The following MROH9 variants were observed in gnomAD, a reference collection of about 807,000 sequenced individuals.
The protein encoded by MROH9 is maestro heat like repeat family member 9.
A neutral mutation model predicts 98.2 loss-of-function variants in MROH9; 92 were observed. The ratio of observed to expected loss-of-function variants is 0.94; its 90% CI spans 0.79 to 1.11. The LOEUF is 1.11. Ranked by LOEUF, MROH9 falls within the 50% of genes most tolerant of loss-of-function variation. MROH9 has a pLI of 0.00. For synonymous variants in MROH9, 397 were observed against 368.9 expected (o/e 1.08, Z -0.87); for missense variants, 1,057 against 1,014.8 (o/e 1.04, Z -0.57).
chr1:171,041,406 C>CAA (rs1553222175), intron 20 of MROH9, among the ~76,000 whole-genome samples: 1 of 54,734 alleles, frequency 1.8e-5, no homozygotes, highest in Non-Finnish European at 3.6e-5. Flanking sequence ...GGTCAAGATA[C>CAA]ATACACACAC....
Position 171,024,418 on chromosome 1 carries a change from G to A in MROH9, c.1932G>A (p.Met644Ile). 1 of 1,551,148 alleles carries A rather than the reference G, an allele frequency of 6.4e-7. No individual in the cohort carries two copies. The highest frequency in any genetic ancestry group is 8.7e-7 in the Non-Finnish European group (1 of 1,146,828). The change falls in exon 18 of 22, where the codon ATG (methionine) becomes ATA (isoleucine). Residue 644 changes from methionine (M) to isoleucine (I), a missense_variant. Transcript: ENST00000367759. ...MDHINGGIRSMAIRHFGQLVR... is the reference protein window; with the variant it reads ...MDHINGGIRSIAIRHFGQLVR... ...AGATTAATGGAGGCATTCGAAGTATGGCAATTCGACACTTTGGTCAATTAG... is the reference window on the plus strand; with the variant it reads ...AGATTAATGGAGGCATTCGAAGTATAGCAATTCGACACTTTGGTCAATTAG...
chr1:171,034,627 ATC>A (rs1163161952), intron 20 of MROH9, among the ~76,000 whole-genome samples: 1 of 152,214 alleles, frequency 6.6e-6, no homozygotes, highest in Non-Finnish European at 1.5e-5. Flanking sequence ...CTTACTGAGC[ATC>A]TGTTTAAAAA....
intron 1 of MROH9, among the ~76,000 whole-genome samples, chr1:170,944,713 A>G (rs1008368856): frequency 1.3e-5 from 2 of 152,064 alleles, no homozygotes; most frequent in African/African-American, 2.4e-5. Context: ...ACATTATGAA[A>G]AAGTTCATAA....
At chr1:171,057,415 G>C (rs941822115) in intron 20 of MROH9, among the ~76,000 whole-genome samples, 1 of 152,088 alleles carries the variant, frequency 6.6e-6, no homozygotes, top group Non-Finnish European at 1.5e-5. Context: ...CAAGATTAGA[G>C]AAAAAAGAAT....
At position 170,958,684 on chromosome 1, in the gene MROH9, C is replaced by T. The variant is rs28374774; in HGVS notation, c.152+144C>T. On this transcript the variant is annotated intron_variant, in intron 4 of 21. Transcript: ENST00000367759. ...TGGTGACTACTATTTCTTTCTTATA[C>T]TCTTTCCCAGTCTTTTTGTATTGCG... 1,372 of 541,950 alleles carry T rather than the reference C, an allele frequency of 2.5e-3. 11 individuals carry two copies. Among genetic ancestry groups the T allele is most frequent in the African/African-American group, 0.023 (1,221 of 52,492 alleles). 33.6% of individuals were successfully genotyped at this position (541,950 alleles called of 1,614,324 possible).
intron 12 of MROH9, among the ~76,000 whole-genome samples, chr1:170,994,924 A>ACGCC (rs1425423441): frequency 4.1e-5 from 6 of 146,614 alleles, no homozygotes; most frequent in Non-Finnish European, 7.7e-5. Context: ...GCCCAGACCC[A>ACGCC]TATTTCTGAT....
intron 20 of MROH9, among the ~76,000 whole-genome samples, chr1:171,053,063 A>T (rs1485766101): frequency 6.6e-6 from 1 of 152,178 alleles, no homozygotes; most frequent in Non-Finnish European, 1.5e-5. Flanking sequence ...TCTCAAAGGC[A>T]TCCTTGGCTG....
rs114034826 is a variant in MROH9, at chr1:170,997,155, T to C, written c.1475+511T>C. On this transcript the variant is annotated intron_variant, in intron 14 of 21. Coordinates refer to ENST00000367759, the MANE Select transcript of MROH9 (RefSeq NM_001163629.2). ...TGATTGTAGGGATCAGATTTTCTGATCAAGAATCAAAATACGGGCTGTTGA... is the reference window on the plus strand; with the variant it reads ...TGATTGTAGGGATCAGATTTTCTGACCAAGAATCAAAATACGGGCTGTTGA... 3.9e-3 allele frequency among the ~76,000 whole-genome samples: 600 copies of C among 152,236 alleles called. 2 individuals carry two copies. Among genetic ancestry groups the C allele is most frequent in the Non-Finnish European group, 6.8e-3 (461 of 67,998 alleles).
intron 20 of MROH9, among the ~76,000 whole-genome samples, chr1:171,059,973 T>C (rs1234086258): frequency 6.6e-6 from 1 of 151,930 alleles, no homozygotes; most frequent in Non-Finnish European, 1.5e-5. Context: ...TGCACTCACA[T>C]ATTTTAAAAA....
At chr1:170,941,253 G>A (rs1454252796) in intron 1 of MROH9, among the ~76,000 whole-genome samples, 1 of 152,126 alleles carries the variant, frequency 6.6e-6, no homozygotes, top group East Asian at 1.9e-4. Flanking sequence ...GTCCCTTTGT[G>A]GCAGACTGGA....
intron 15 of MROH9, among the ~76,000 whole-genome samples, chr1:171,000,601 G>A (rs772488573): frequency 1.4e-4 from 21 of 152,008 alleles, no homozygotes; most frequent in African/African-American, 5.1e-4. Flanking sequence ...ACTTGATCAT[G>A]GTGGATTATC....
At chr1:171,018,899 G>A (rs1386089816) in intron 17 of MROH9, among the ~76,000 whole-genome samples, 1 of 151,680 alleles carries the variant, frequency 6.6e-6, no homozygotes, top group Non-Finnish European at 1.5e-5. Flanking sequence ...AGAAATAGGG[G>A]ACAGATCAAC....
intron 1 of MROH9, among the ~76,000 whole-genome samples, chr1:170,939,196 A>G (rs141285721): frequency 2.5e-4 from 38 of 152,334 alleles, no homozygotes; most frequent in Admixed American, 1.6e-3. Context: ...CAATTTTCCA[A>G]TCATGTTCCT....
intron 20 of MROH9, among the ~76,000 whole-genome samples, chr1:171,029,525 G>C (rs948997236): frequency 6.6e-6 from 1 of 152,096 alleles, no homozygotes; most frequent in Admixed American, 6.6e-5. Context: ...TTTATCAAAC[G>C]CCTTTTCTGC....
intron 20 of MROH9, among the ~76,000 whole-genome samples, chr1:171,026,666 C>G (rs972409518): frequency 1.3e-5 from 2 of 152,006 alleles, no homozygotes; most frequent in Non-Finnish European, 2.9e-5. Context: ...ATAACTATTG[C>G]AAGATTGGTA....
intron 11 of MROH9, among the ~76,000 whole-genome samples, chr1:170,991,488 G>C (rs1458292099): frequency 6.6e-6 from 1 of 152,128 alleles, no homozygotes; most frequent in South Asian, 2.1e-4. Context: ...TCAGAACCCA[G>C]TATGAATTGG....
At chr1:170,998,107 A>C in intron 14 of MROH9, 47 bp from the exon 15 acceptor site, 1 of 1,396,816 alleles carries the variant, frequency 7.2e-7, no homozygotes, top group African/African-American at 1.4e-5. Context: ...CACTATTAGC[A>C]TGGTGTTTTC....
intron 11 of MROH9, among the ~76,000 whole-genome samples, chr1:170,990,582 A>G (rs917792996): frequency 6.6e-6 from 1 of 152,214 alleles, no homozygotes; most frequent in East Asian, 1.9e-4. Context: ...AGAGCTTAGA[A>G]AAATCACACC....
At chr1:170,973,518 A>G (rs1025017844) in intron 8 of MROH9, among the ~76,000 whole-genome samples, 10 of 152,050 alleles carry the variant, frequency 6.6e-5, no homozygotes, top group African/African-American at 2.2e-4. Flanking sequence ...ATACCCCTAG[A>G]AATAAAAAAA....
Sources: gnomAD v4.1 joint callset for allele counts (sites outside exome capture counted in the v4.1 genomes callset) on GRCh38, gnomAD v4.1.1 for gene constraint, MANE v1.5 for transcripts, NCBI Gene and HGNC (gene_info 2026-07-23, HGNC 2026-07-21) for gene names.